POR: variants seen among roughly 807,000 people sequenced by gnomAD.
POR encodes NADPH--cytochrome P450 reductase.
A neutral mutation model predicts 84.0 loss-of-function variants in POR; 56 were observed. That is an observed-to-expected ratio of 0.67 (90% CI 0.54 to 0.83). POR has a LOEUF of 0.83. Ranked by LOEUF, POR falls within the 40% of genes least tolerant of loss-of-function variation. POR has a pLI of 0.00. For missense variants in POR, 938 were observed against 944.3 expected (o/e 0.99, Z 0.09); for synonymous variants, 414 against 400.5 (o/e 1.03, Z -0.40).
In POR at chr7:75,983,760, G is replaced by T; in HGVS notation, c.970G>T (p.Ala324Ser). The T allele has an allele frequency of 6.2e-7, 1 of 1,612,464 alleles. No individual in the cohort carries two copies. Among genetic ancestry groups the T allele is most frequent in the Non-Finnish European group, 8.5e-7 (1 of 1,179,718 alleles). The stretch of plus-strand genomic sequence containing the variant: ...CAGGTATGAATCTGGGGACCACGTG[G>T]CTGTGTACCCAGCCAACGACTCTGC... Residue 324 changes from alanine (A) to serine (S), a missense_variant, in exon 10 of 16, where the codon GCT (alanine) becomes TCT (serine). Physicochemically the swap from Ala to Ser is moderately conservative, Grantham distance 99. Coordinates refer to ENST00000461988, the MANE Select transcript of POR (RefSeq NM_000941.3).
intron 1 of POR, among the ~76,000 whole-genome samples, chr7:75,943,196 C>T (rs1179575439): frequency 6.6e-6 from 1 of 152,162 alleles, no homozygotes; most frequent in Non-Finnish European, 1.5e-5. Context: ...TGTGATCCGC[C>T]TGCCTCGGCT....
In POR at chr7:75,982,283, G is replaced by T. The variant is rs1554558186; in HGVS notation, c.791G>T (p.Gly264Val). 1.2e-6 allele frequency: 2 copies of T among 1,612,912 alleles called. No homozygotes were observed. Among genetic ancestry groups the T allele is most frequent in the African/African-American group, 2.7e-5 (2 of 75,066 alleles). Reference sequence around the variant, plus strand: ...ATAGATGCGGCCAAGGTGTACATGGGGGAGATGGGCCGGCTGAAGAGCTAC... The same window carrying T: ...ATAGATGCGGCCAAGGTGTACATGGTGGAGATGGGCCGGCTGAAGAGCTAC... Residue 264 changes from glycine to valine, a missense_variant, in exon 8 of 16, where the codon GGG becomes GTG. Physicochemically the swap from Gly to Val is moderately radical, Grantham distance 109. Transcript: ENST00000461988.
intron 2 of POR, among the ~76,000 whole-genome samples, chr7:75,965,258 G>T (rs150327291): frequency 6.6e-6 from 1 of 152,144 alleles, no homozygotes; most frequent in African/African-American, 2.4e-5. Flanking sequence ...GCAAATGCAG[G>T]TGTCAGTGGA....
At chr7:75,939,272 G>A (rs1405902760) in intron 1 of POR, among the ~76,000 whole-genome samples, 6 of 152,360 alleles carry the variant, frequency 3.9e-5, no homozygotes, top group African/African-American at 1.4e-4. Context: ...CAGACTGTAA[G>A]CTCTGTGGGA....
intron 2 of POR, among the ~76,000 whole-genome samples, chr7:75,956,287 C>T (rs782168920): frequency 3.9e-5 from 6 of 152,098 alleles, no homozygotes; most frequent in African/African-American, 7.2e-5. Context: ...AGACAGAGTC[C>T]GTCTCAAAAA....
intron 5 of POR, 143 bp from the exon 6 acceptor site, chr7:75,980,905 T>G: frequency 8.7e-7 from 1 of 1,150,762 alleles, no homozygotes; most frequent in Admixed American, 2.8e-5. Flanking sequence ...TTCCTTGCAG[T>G]GCGAGGCGCC....
chr7:75,977,661 C>G (rs1222530475), intron 3 of POR, among the ~76,000 whole-genome samples: 2 of 152,122 alleles, frequency 1.3e-5, no homozygotes, highest in Non-Finnish European at 2.9e-5. Flanking sequence ...GCCTGTAATC[C>G]CAGCTACTCA....
chr7:75,983,352 AG>A (rs1462201351), intron 8 of POR, 167 bp from the exon 9 acceptor site: 12 of 540,914 alleles, frequency 2.2e-5, no homozygotes, highest in African/African-American at 2.2e-4. Flanking sequence ...AAAAAAAAAA[AG>A]AGAACTGCAT....
chr7:75,955,997 T>G (rs1040731196), intron 2 of POR, among the ~76,000 whole-genome samples: 2 of 152,168 alleles, frequency 1.3e-5, no homozygotes, highest in Non-Finnish European at 2.9e-5. Flanking sequence ...AGTTTTACAT[T>G]TTTAAAAACT....
chr7:75,939,865 C>G (rs1202562239), intron 1 of POR, among the ~76,000 whole-genome samples: 1 of 151,922 alleles, frequency 6.6e-6, no homozygotes, highest in African/African-American at 2.4e-5. Flanking sequence ...GCCTCAGCCT[C>G]CCAAAGTGTT....
chr7:75,979,761 C>T (rs1431382769), intron 4 of POR, 182 bp downstream of exon 4: 1 of 809,276 alleles, frequency 1.2e-6, no homozygotes, highest in African/African-American at 1.7e-5. Flanking sequence ...ACGGAAGGGC[C>T]ATTCCTGCAG....
intron 1 of POR, among the ~76,000 whole-genome samples, chr7:75,938,226 G>A (rs547924854): frequency 1.3e-5 from 2 of 152,288 alleles, no homozygotes; most frequent in South Asian, 4.1e-4. Context: ...GCCATCAGCT[G>A]GGAGCGTTTG....
intron 13 of POR, 32 bp from the exon 14 acceptor site, chr7:75,985,891 G>T: frequency 6.4e-7 from 1 of 1,559,248 alleles, no homozygotes; most frequent in Non-Finnish European, 8.7e-7. Flanking sequence ...ACGACTGGGA[G>T]CCCCGCGCTC....
rs781808847 is a variant in POR, at chr7:75,983,517, C to T, written c.831-3C>T. ...TCACTGTGCTTCTCTCCTCCCCACC[C>T]AGCCCCTTTGATGCCAAGAATCCGT... On this transcript the variant is annotated splice_region_variant and splice_polypyrimidine_tract_variant and intron_variant, in intron 8 of 15. Transcript: ENST00000461988. The T allele has an allele frequency of 1.2e-6, 2 of 1,610,492 alleles. No individual in the cohort carries two copies. Among genetic ancestry groups the T allele is most frequent in the Middle Eastern group, 1.7e-4 (1 of 6,052 alleles).
At chr7:75,945,015 C>T (rs371188825) in intron 1 of POR, among the ~76,000 whole-genome samples, 27 of 152,196 alleles carry the variant, frequency 1.8e-4, no homozygotes, top group African/African-American at 6.3e-4. Flanking sequence ...CGGCCGGGCA[C>T]GGTGGCTCAC....
In POR at chr7:75,981,624, G is replaced by A; in HGVS notation, c.731+18G>A. On this transcript the variant is annotated intron_variant, in intron 7 of 15. Coordinates refer to ENST00000461988, the MANE Select transcript of POR (RefSeq NM_000941.3). ...GAGTCCAGGTGAGCAAGTGCCCGCA[G>A]GTGCGGTGGGTGGCCTGGGCGGGTC... 1.9e-6 allele frequency: 3 copies of A among 1,606,778 alleles called. No individual in the cohort carries two copies. Among genetic ancestry groups the A allele is most frequent in the Non-Finnish European group, 2.6e-6 (3 of 1,176,352 alleles).
intron 8 of POR, 30 bp from the exon 9 acceptor site, chr7:75,983,490 G>A (rs372585710): frequency 2.0e-5 from 31 of 1,520,408 alleles, no homozygotes; most frequent in Middle Eastern, 1.7e-4. Context: ...AGCCCCGGCC[G>A]CTCACTGTGC....
rs781864218 is a variant in POR at position 75,985,216 on chromosome 7, C to T, written c.1398+9C>T. ...TCGCCTCATCCTCCAAGGTGAGGGC[C>T]GGCACTGCCCTGCCAGCCACACGCT... On this transcript the variant is annotated intron_variant, in intron 12 of 15. Coordinates refer to ENST00000461988, the MANE Select transcript of POR (RefSeq NM_000941.3). 4.8e-5 allele frequency: 76 copies of T among 1,579,348 alleles called. No homozygotes were observed. The highest frequency in any genetic ancestry group is 6.7e-5 in the South Asian group (6 of 89,506).
In POR at chr7:75,954,030, C is replaced by T. The variant is rs782695041; in HGVS notation, c.38C>T (p.Ser13Phe). ...GGAGACTCCCACGTGGACACCAGCT[C>T]CACCGTGTCCGAGGCGGTGGCCGAA... Residue 13 changes from serine to phenylalanine, a missense_variant, in exon 2 of 16, where the codon TCC becomes TTC. By Grantham distance (155) the Ser-to-Phe change is radical. Coordinates refer to ENST00000461988, the MANE Select transcript of POR (RefSeq NM_000941.3). The T allele has an allele frequency of 1.2e-6, 2 of 1,608,266 alleles. No homozygotes were observed. Among genetic ancestry groups the T allele is most frequent in the Non-Finnish European group, 1.7e-6 (2 of 1,177,264 alleles).
Sources: allele counts gnomAD v4.1 joint callset (sites outside exome capture counted in the v4.1 genomes callset), GRCh38; gene constraint gnomAD v4.1.1; transcripts MANE v1.5; gene names NCBI Gene and HGNC (gene_info 2026-07-23, HGNC 2026-07-21).